The following SDHC variants were observed in gnomAD, a reference collection of about 807,000 sequenced individuals.
The protein encoded by SDHC is succinate dehydrogenase cytochrome b560 subunit, mitochondrial.
SDHC carries 11 observed loss-of-function variants against 22.6 expected under a neutral mutation model. That is an observed-to-expected ratio of 0.49 (90% CI 0.31 to 0.81). The LOEUF (loss-of-function observed/expected upper bound fraction) is 0.81, where lower values mean the gene tolerates loss of function less well. Among genes scored for constraint, SDHC ranks in the 30% least tolerant of loss-of-function variants. The pLI is 0.05. For synonymous variants in SDHC, 80 were observed against 77.8 expected, an observed-to-expected ratio of 1.03 and a Z score of -0.15; for missense variants, 160 against 212.0, an observed-to-expected ratio of 0.75 and a Z score of 1.52.
At position 161,328,619 on chromosome 1, in the gene SDHC, A is replaced by G. The variant is rs981649165; in HGVS notation, c.179+122A>G. 99 of 731,784 alleles carry G rather than the reference A, an allele frequency of 1.4e-4. No individual in the cohort carries two copies. The African/African-American group carries it at 1.5e-3, about 11-fold the overall frequency. The allele number at this position is 731,784 out of a possible 1,614,324, so 45.3% of individuals were successfully genotyped here. A position where few individuals can be genotyped will look rare whatever the true frequency, so the allele number is the denominator to read the frequency against. On this transcript the variant is annotated intron_variant, in intron 3 of 5. Coordinates refer to ENST00000367975, the MANE Select transcript of SDHC (RefSeq NM_003001.5). ...CAACCAAAATACTGCTATGTAGATG[A>G]GGTGAACCCTTCAGGGTAGAGGGAG...
intron 5 of SDHC, among the ~76,000 whole-genome samples, chr1:161,358,725 G>C (rs1672381308): frequency 6.6e-6 from 1 of 151,926 alleles, no homozygotes; most frequent in Non-Finnish European, 1.5e-5. Context: ...CCGGGAGTTC[G>C]AGACCAGCCT....
chr1:161,349,919 A>C (rs779325606), intron 4 of SDHC, among the ~76,000 whole-genome samples: 2 of 152,016 alleles, frequency 1.3e-5, no homozygotes, highest in Non-Finnish European at 2.9e-5. Flanking sequence ...AGTTTAAAAA[A>C]ATTTTTTTGA....
In SDHC at chr1:161,322,137, T is replaced by C. The variant is rs538220831; in HGVS notation, c.21-1477T>C. 2.0e-5 allele frequency among the ~76,000 whole-genome samples: 3 copies of C among 152,334 alleles called. No homozygotes were observed. The East Asian group carries it at 5.8e-4, about 29-fold the overall frequency. On this transcript the variant is annotated intron_variant, in intron 1 of 5. Coordinates refer to ENST00000367975, the MANE Select transcript of SDHC (RefSeq NM_003001.5). ...TGTCACTAAGCTGAAATCCAAAATA[T>C]TCCAGTGAGCATTTCTTTTGAGCAT... is the stretch of plus-strand genomic sequence containing the variant.
At chr1:161,343,266 G>A (rs2102341576) in intron 4 of SDHC, among the ~76,000 whole-genome samples, 1 of 152,302 alleles carries the variant, frequency 6.6e-6, no homozygotes, top group African/African-American at 2.4e-5. Flanking sequence ...AGGGCCAGTG[G>A]CTCTAGTGTA....
In SDHC at chr1:161,362,209, T is replaced by C. The variant is rs1672540534; in HGVS notation, c.406-120T>C. The stretch of plus-strand genomic sequence containing the variant: ...TGGGGCATAAGGGTAGAAGCGCTTT[T>C]CTCTAGAATCATGCTGAGAGGAGAT... On this transcript the variant is annotated intron_variant, in intron 5 of 5. Transcript: ENST00000367975. 4 of 1,266,808 alleles carry C rather than the reference T, an allele frequency of 3.2e-6. 1 individual carries two copies. The South Asian group carries it at 5.2e-5, about 17-fold the overall frequency. The allele number at this position is 1,266,808 out of a possible 1,614,324, so 78.5% of individuals were successfully genotyped here. A position where few individuals can be genotyped will look rare whatever the true frequency, so the allele number is the denominator to read the frequency against.
chr1:161,331,611 T>TC (rs1671275259), intron 3 of SDHC, among the ~76,000 whole-genome samples: 1 of 150,308 alleles, frequency 6.7e-6, no homozygotes. Context: ...TTTTTTTTTT[T>TC]CTGAGACAGA....
In SDHC at chr1:161,331,778, G is replaced by A. The variant is rs577801716; in HGVS notation, c.179+3281G>A. On this transcript the variant is annotated intron_variant, in intron 3 of 5. Transcript: ENST00000367975. Reference sequence around the variant, plus strand: ...ACCTGGCTAATTTTTTGTATTTTTCGTAGAGACGGGGTTTCGCTATGTTGG... The same window carrying A: ...ACCTGGCTAATTTTTTGTATTTTTCATAGAGACGGGGTTTCGCTATGTTGG... 6.6e-5 allele frequency among the ~76,000 whole-genome samples: 10 copies of A among 150,658 alleles called. No individual in the cohort carries two copies. In the East Asian group the frequency reaches 7.9e-4, roughly 12 times the overall value.
chr1:161,359,345 T>G (rs60882053), intron 5 of SDHC, among the ~76,000 whole-genome samples: 17,831 of 152,240 alleles, frequency 0.12, 1,420 homozygotes, highest in African/African-American at 0.22. Flanking sequence ...GAGACTAAAT[T>G]ACTTATTAAA....
rs548625360 is a variant in SDHC, at chr1:161,361,837, C to T, written c.406-492C>T. 1.9e-3 allele frequency among the ~76,000 whole-genome samples: 223 copies of T among 116,622 alleles called. 1 individual carries two copies. The highest frequency in any genetic ancestry group is 2.8e-3 in the Non-Finnish European group (164 of 59,140). The allele number at this position is 116,622 out of a possible 152,430, so 76.5% of individuals were successfully genotyped here. A position where few individuals can be genotyped will look rare whatever the true frequency, so the allele number is the denominator to read the frequency against. On this transcript the variant is annotated intron_variant, in intron 5 of 5. Coordinates refer to ENST00000367975, the MANE Select transcript of SDHC (RefSeq NM_003001.5). ...CAGCCTGGGCGACAGAGTGAGAGTC[C>T]GTCTCAAAAAAAAAAAAAAAAAAAA...
chr1:161,340,798 C>T (rs533714330), intron 4 of SDHC, 143 bp downstream of exon 4: 10 of 716,248 alleles, frequency 1.4e-5, no homozygotes, highest in Non-Finnish European at 2.5e-5. Context: ...GTTCATTCAT[C>T]CCTTTAACAA....
At chr1:161,358,139 T>G (rs1007528712) in intron 5 of SDHC, among the ~76,000 whole-genome samples, 1 of 149,058 alleles carries the variant, frequency 6.7e-6, no homozygotes, top group Non-Finnish European at 1.5e-5. Context: ...CAGGTTCAAG[T>G]GATTCTCCTG....
intron 4 of SDHC, among the ~76,000 whole-genome samples, chr1:161,348,196 G>A (rs991903920): frequency 2.6e-5 from 4 of 151,520 alleles, no homozygotes; most frequent in African/African-American, 4.8e-5. Context: ...TTGCCCTGTC[G>A]CCCAGGCTGG....
At position 161,333,540 on chromosome 1, in the gene SDHC, A is replaced by G. The variant is rs550760596; in HGVS notation, c.179+5043A>G. Among the ~76,000 whole-genome samples the G allele has an allele frequency of 4.6e-5, 7 of 152,024 alleles. No individual in the cohort carries two copies. The East Asian group carries it at 1.4e-3, about 29-fold the overall frequency. On this transcript the variant is annotated intron_variant, in intron 3 of 5. Coordinates refer to ENST00000367975, the MANE Select transcript of SDHC (RefSeq NM_003001.5). ...CTGCCTCAGCCCCCAAGTAGCTGGG[A>G]CTACAGGCATGCGCCACCGCGCCCA...
intron 4 of SDHC, among the ~76,000 whole-genome samples, chr1:161,353,191 G>A (rs537014510): frequency 6.6e-6 from 1 of 152,216 alleles, no homozygotes; most frequent in South Asian, 2.1e-4. Context: ...TAGGTCATTT[G>A]AGAGTAGGTG....
rs115107763 is a variant in SDHC, at chr1:161,327,049, C to T, written c.78-1347C>T. Among the ~76,000 whole-genome samples, 1,100 of 152,282 alleles carry T rather than the reference C, an allele frequency of 7.2e-3. 11 individuals are homozygous for T. Among genetic ancestry groups the T allele is most frequent in the African/African-American group, 0.023 (964 of 41,548 alleles). ...AGAAGATCCTCCCACCTCAGCCTCC[C>T]GAGTAACTGGGACTGCAAGCTCGGA... On this transcript the variant is annotated intron_variant, in intron 2 of 5. Transcript: ENST00000367975.
intron 4 of SDHC, among the ~76,000 whole-genome samples, chr1:161,347,735 A>G (rs1006703610): frequency 6.6e-6 from 1 of 151,950 alleles, no homozygotes; most frequent in Non-Finnish European, 1.5e-5. Context: ...GCATGGTGGC[A>G]TGTGCCTGTA....
intron 5 of SDHC, 105 bp downstream of exon 5, chr1:161,356,945 C>G: frequency 8.9e-7 from 1 of 1,125,546 alleles, no homozygotes; most frequent in Non-Finnish European, 1.3e-6. Flanking sequence ...TTTTTTTTTT[C>G]CCAAGAGTGG....
At chr1:161,324,101 G>A (rs1312964864) in intron 2 of SDHC, among the ~76,000 whole-genome samples, 1 of 152,132 alleles carries the variant, frequency 6.6e-6, no homozygotes, top group African/African-American at 2.4e-5. Flanking sequence ...TGAAACTTAA[G>A]TAATTGTGGT....
intron 4 of SDHC, among the ~76,000 whole-genome samples, chr1:161,345,338 A>C (rs1476849399): frequency 6.6e-6 from 1 of 152,232 alleles, no homozygotes; most frequent in African/African-American, 2.4e-5. Context: ...CACTTTGCTT[A>C]CCACCATATT....
Sources: allele counts gnomAD v4.1 joint callset (sites outside exome capture counted in the v4.1 genomes callset), GRCh38; gene constraint gnomAD v4.1.1; transcripts MANE v1.5; gene names NCBI Gene and HGNC (gene_info 2026-07-23, HGNC 2026-07-21).